Variants in SPG11 observed in about 807,000 individuals in gnomAD.
SPG11 encodes SPG11 vesicle trafficking associated, spatacsin.
SPG11 carries 222 observed loss-of-function variants against 274.0 expected under a neutral mutation model. The ratio of observed to expected loss-of-function variants is 0.81; its 90% CI spans 0.73 to 0.91. The LOEUF is 0.91. Among genes scored for constraint, SPG11 ranks in the 40% least tolerant of loss-of-function variants. The pLI is 0.00. For missense variants in SPG11, 3,114 were observed against 2,872.7 expected (o/e 1.08, Z -1.92); for synonymous variants, 1,144 against 1,039.7 (o/e 1.10, Z -1.93).
chr15:44,575,413 G>A, intron 30 of SPG11: 1 of 201,382 alleles, frequency 5.0e-6, no homozygotes, highest in Non-Finnish European at 1.0e-5. Flanking sequence ...CTTAGTTCCA[G>A]CCTTCATCAC....
chr15:44,563,410 C>T, intron 39 of SPG11, 109 bp from the exon 40 acceptor site: 1 of 943,240 alleles, frequency 1.1e-6, no homozygotes, highest in African/African-American at 1.6e-5. Context: ...GCAGTCTTGG[C>T]TCACTGCAAC....
chr15:44,618,009 G>A (rs968864202), intron 15 of SPG11, among the ~76,000 whole-genome samples: 3 of 151,556 alleles, frequency 2.0e-5, no homozygotes, highest in Non-Finnish European at 2.9e-5. Flanking sequence ...ATTTATGATC[G>A]GCATGTCATA....
intron 7 of SPG11, among the ~76,000 whole-genome samples, chr15:44,645,814 A>G (rs539071943): frequency 4.3e-4 from 65 of 152,182 alleles, no homozygotes; most frequent in Non-Finnish European, 8.5e-4. Flanking sequence ...ATGAACAGAC[A>G]TGTCCTTTCA....
rs755278777 is a variant in SPG11, at chr15:44,628,774, C to T, written c.1962G>A (p.Met654Ile). 6.2e-7 allele frequency: 1 copy of T among 1,613,728 alleles called. No homozygotes were observed. The highest frequency in any genetic ancestry group is 1.1e-5 in the South Asian group (1 of 91,078). The change falls in exon 10 of 40, where the codon ATG (methionine) becomes ATA (isoleucine). Residue 654 changes from methionine to isoleucine, a missense_variant. By Grantham distance (10) the Met-to-Ile change is conservative. Transcript: ENST00000261866. ...TSYINELRTF[M>I]IKFPWKLTDA... Reference sequence around the variant, plus strand: ...CTGTTAGCTTCCAAGGAAACTTTATCATGAAGGTTCGAAGTTCATTAATGT... The same window carrying T: ...CTGTTAGCTTCCAAGGAAACTTTATTATGAAGGTTCGAAGTTCATTAATGT...
intron 29 of SPG11, among the ~76,000 whole-genome samples, chr15:44,584,902 T>C (rs1292627554): frequency 6.6e-6 from 1 of 152,210 alleles, no homozygotes; most frequent in South Asian, 2.1e-4. Flanking sequence ...GTGCTGGGAT[T>C]ATAGGCATGA....
At position 44,585,676 on chromosome 15, in the gene SPG11, T is replaced by A. The variant is rs2082747020; in HGVS notation, c.5081A>T (p.Glu1694Val). The A allele has an allele frequency of 6.2e-7, 1 of 1,613,062 alleles. No individual in the cohort carries two copies. The highest frequency in any genetic ancestry group is 8.5e-7 in the Non-Finnish European group (1 of 1,179,648). The stretch of plus-strand genomic sequence containing the variant: ...GTTGTCCACAGGTAACTCAGCTAAT[T>A]CTGCTACCCTCCTGGCCAAAGCGAA... ...GQFALARRVAELAELPVDNLV... is the reference protein window; with the variant it reads ...GQFALARRVAVLAELPVDNLV... Residue 1694 changes from glutamate to valine, a missense_variant, in exon 29 of 40, where the codon GAA becomes GTA. Coordinates refer to ENST00000261866, the MANE Select transcript of SPG11 (RefSeq NM_025137.4).
chr15:44,620,617 C>A, intron 14 of SPG11: 1 of 498,820 alleles, frequency 2.0e-6, no homozygotes, highest in African/African-American at 1.9e-5. Context: ...TCGTGGCAGC[C>A]TCGACCTCCT....
chr15:44,597,465 G>C lies in SPG11; in HGVS notation c.4002-522C>G, dbSNP rs143816557. 1.7e-3 allele frequency among the ~76,000 whole-genome samples: 259 copies of C among 152,162 alleles called. 1 individual carries two copies. Among genetic ancestry groups the C allele is most frequent in the African/African-American group, 6.0e-3 (248 of 41,510 alleles). On this transcript the variant is annotated intron_variant, in intron 23 of 39. Transcript: ENST00000261866. ...GCAGAATAGCTAGCTTAGCATACTG[G>C]CACAATTCATTCCTTCCCCAAGTCA...
intron 8 of SPG11, 41 bp from the exon 9 acceptor site, chr15:44,629,429 A>T (rs2083996346): frequency 1.3e-6 from 2 of 1,579,236 alleles, no homozygotes; most frequent in African/African-American, 2.7e-5. Flanking sequence ...GAACACCAGG[A>T]TACTCACAAT....
intron 7 of SPG11, among the ~76,000 whole-genome samples, chr15:44,636,167 G>C (rs1664979874): frequency 6.6e-6 from 1 of 151,982 alleles, no homozygotes; most frequent in African/African-American, 2.4e-5. Flanking sequence ...AGGCAGGTGA[G>C]ACATATTGGT....
chr15:44,582,642 G>C (rs2082679377), intron 30 of SPG11, among the ~76,000 whole-genome samples: 1 of 151,880 alleles, frequency 6.6e-6, no homozygotes, highest in African/African-American at 2.4e-5. Flanking sequence ...ATTGATTCCA[G>C]CAAAAAATCA....
At chr15:44,634,191 G>C (rs1164255255) in intron 7 of SPG11, among the ~76,000 whole-genome samples, 1 of 152,058 alleles carries the variant, frequency 6.6e-6, no homozygotes, top group African/African-American at 2.4e-5. Context: ...AACCTTTTCA[G>C]CTCTACCATT....
chr15:44,640,754 C>T (rs981842617), intron 7 of SPG11, among the ~76,000 whole-genome samples: 5 of 152,082 alleles, frequency 3.3e-5, no homozygotes, highest in South Asian at 2.1e-4. Context: ...TTTTTTGAGG[C>T]GGAGTCTCAT....
In SPG11 at chr15:44,660,596, C is replaced by G. The variant is rs149254262; in HGVS notation, c.278G>C (p.Arg93Pro). 6 of 1,613,946 alleles carry G rather than the reference C, an allele frequency of 3.7e-6. No individual in the cohort carries two copies. The highest frequency in any genetic ancestry group is 1.6e-4 in the Middle Eastern group (1 of 6,062). ...PFWHFLWEDS[R>P]NSSTPTEKPK... ...CTTTTCAGTTGGTGTGCTGCTGTTACGAGAATCCTCCCATAGAAAGCTAAG... is the reference window on the plus strand; with the variant it reads ...CTTTTCAGTTGGTGTGCTGCTGTTAGGAGAATCCTCCCATAGAAAGCTAAG... The change falls in exon 2 of 40, where the codon CGT (arginine) becomes CCT (proline). Residue 93 changes from arginine (R) to proline (P), a missense_variant. Coordinates refer to ENST00000261866, the MANE Select transcript of SPG11 (RefSeq NM_025137.4).
chr15:44,633,999 C>T (rs965412878), intron 7 of SPG11, among the ~76,000 whole-genome samples: 11 of 152,004 alleles, frequency 7.2e-5, no homozygotes, highest in African/African-American at 2.2e-4. Flanking sequence ...CCACCATGTC[C>T]GGCTAAATTT....
chr15:44,646,454 C>G (rs1407200349), intron 7 of SPG11, among the ~76,000 whole-genome samples: 2 of 152,124 alleles, frequency 1.3e-5, no homozygotes, highest in African/African-American at 2.4e-5. Flanking sequence ...ACTTTTAAAC[C>G]ATCAGATCTC....
intron 30 of SPG11, among the ~76,000 whole-genome samples, chr15:44,581,753 G>A (rs2082663092): frequency 6.6e-6 from 1 of 152,074 alleles, no homozygotes; most frequent in South Asian, 2.1e-4. Flanking sequence ...TAAAAGACAA[G>A]TAGGATGTAA....
chr15:44,641,931 A>G (rs1040206541), intron 7 of SPG11, among the ~76,000 whole-genome samples: 4 of 151,060 alleles, frequency 2.6e-5, no homozygotes, highest in African/African-American at 9.7e-5. Flanking sequence ...AGAAAAAAAA[A>G]AAAAAAAAAA....
chr15:44,601,526 G>A (rs917186530), intron 20 of SPG11, among the ~76,000 whole-genome samples: 4 of 150,090 alleles, frequency 2.7e-5, no homozygotes, highest in African/African-American at 9.8e-5. Flanking sequence ...CTCCCAGAGT[G>A]CTAGGATTAC....
Sources: allele counts gnomAD v4.1 joint callset (sites outside exome capture counted in the v4.1 genomes callset), GRCh38; gene constraint gnomAD v4.1.1; transcripts MANE v1.5; gene names NCBI Gene and HGNC (gene_info 2026-07-23, HGNC 2026-07-21).